CDKL1: variants seen among roughly 807,000 people sequenced by gnomAD.
CDKL1 encodes cyclin dependent kinase like 1.
In CDKL1, 41 loss-of-function variants were observed where a neutral mutation model predicts 42.0. The observed-to-expected ratio is 0.98, with a 90% CI of 0.76 to 1.27. CDKL1 has a LOEUF of 1.27. Among genes scored for constraint, CDKL1 ranks in the 50% most tolerant of loss-of-function variants. The probability of loss-of-function intolerance (pLI) is 0.00; values close to 1 mark genes in which losing one functional copy is unlikely to be tolerated. For missense variants in CDKL1, 394 were observed against 428.4 expected (o/e 0.92, Z 0.71); for synonymous variants, 153 against 158.6 (o/e 0.96, Z 0.26).
In CDKL1 at chr14:50,327,459, C is replaced by CTTTTTTTTTTTTTTTTTTTTTTTTTT. The variant is rs555068519; in HGVS notation, c.*2614_*2615insAAAAAAAAAAAAAAAAAAAAAAAAAA. 1.3e-5 allele frequency: 1 copy of CTTTTTTTTTTTTTTTTTTTTTTTTTT among 77,336 alleles called. No homozygotes were observed. The highest frequency in any genetic ancestry group is 2.4e-5 in the Non-Finnish European group (1 of 41,304). The allele number at this position is 77,336 out of a possible 1,614,324, so 4.8% of individuals were successfully genotyped here. A position where few individuals can be genotyped will look rare whatever the true frequency, so the allele number is the denominator to read the frequency against. ...TAGATTTCTGTGTGTTTGATTTGAA[C>CTTTTTTTTTTTTTTTTTTTTTTTTTT]TTTTTTTTTTTTTTTTTTTTTTTTG... On this transcript the variant is annotated 3_prime_UTR_variant, in exon 10 of 10. Coordinates refer to ENST00000395834, the MANE Select transcript of CDKL1 (RefSeq NM_004196.7).
At chr14:50,351,444 T>C (rs2033898886) in intron 3 of CDKL1, among the ~76,000 whole-genome samples, 1 of 151,256 alleles carries the variant, frequency 6.6e-6, no homozygotes, top group African/African-American at 2.4e-5. Context: ...TTAAAATGAG[T>C]TGGGGTGGGG....
At chr14:50,344,957 T>C (rs1300843794) in intron 4 of CDKL1, 29 bp downstream of exon 4, 1 of 1,586,086 alleles carries the variant, frequency 6.3e-7, no homozygotes, top group Non-Finnish European at 8.7e-7. Context: ...GGAGCCTTGT[T>C]GCTTTTCAAA....
chr14:50,331,262 T>C (rs1378890978), intron 9 of CDKL1: 1 of 151,750 alleles, frequency 6.6e-6, no homozygotes, highest in Non-Finnish European at 1.5e-5. Context: ...AATAGTGGAG[T>C]TTCCCTATTT....
Position 50,330,001 on chromosome 14 carries a change from A to G in CDKL1, c.*73T>C, listed in dbSNP as rs2032847961. The G allele has an allele frequency of 1.2e-5, 18 of 1,525,138 alleles. No homozygotes were observed. The highest frequency in any genetic ancestry group is 2.5e-5 in the South Asian group (2 of 80,084). The allele number at this position is 1,525,138 out of a possible 1,614,324, so 94.5% of individuals were successfully genotyped here. A position where few individuals can be genotyped will look rare whatever the true frequency, so the allele number is the denominator to read the frequency against. On this transcript the variant is annotated 3_prime_UTR_variant, in exon 10 of 10. Transcript: ENST00000395834. ...GTTTTCAACATTGTAATTGTTTTCAATCAACTGTATAAGTTTTATTTTCTT... is the reference window on the plus strand; with the variant it reads ...GTTTTCAACATTGTAATTGTTTTCAGTCAACTGTATAAGTTTTATTTTCTT...
chr14:50,341,244 T>G lies in CDKL1; in HGVS notation c.455-12A>C. The G allele has an allele frequency of 6.3e-7, 1 of 1,576,154 alleles. No individual in the cohort carries two copies. Among genetic ancestry groups the G allele is most frequent in the East Asian group, 2.3e-5 (1 of 43,908 alleles). ...GTCACTCGGTCCAGCTAGCCAGTGATGGAACATGGAAAACAAACAGCAGCG... is the reference window on the plus strand; with the variant it reads ...GTCACTCGGTCCAGCTAGCCAGTGAGGGAACATGGAAAACAAACAGCAGCG... On this transcript the variant is annotated splice_polypyrimidine_tract_variant and intron_variant, in intron 5 of 9. Transcript: ENST00000395834.
intron 8 of CDKL1, 24 bp from the exon 9 acceptor site, chr14:50,332,456 T>G: frequency 6.4e-7 from 1 of 1,574,122 alleles, no homozygotes; most frequent in South Asian, 1.2e-5. Context: ...AAATTCCTTC[T>G]TCTTACTTCT....
In CDKL1 at chr14:50,378,938, G is replaced by A. The variant is rs1050767868; in HGVS notation, c.168+16763C>T. Reference sequence around the variant, plus strand: ...GTGATCTTGGCTCACTGCAACCTCCGCCTTCTGGGCTTAAGAGATTCTGTC... The same window carrying A: ...GTGATCTTGGCTCACTGCAACCTCCACCTTCTGGGCTTAAGAGATTCTGTC... On this transcript the variant is annotated intron_variant, in intron 2 of 9. Coordinates refer to ENST00000395834, the MANE Select transcript of CDKL1 (RefSeq NM_004196.7). 3.3e-5 allele frequency among the ~76,000 whole-genome samples: 5 copies of A among 151,112 alleles called. 1 individual carries two copies. Among genetic ancestry groups the A allele is most frequent in the Admixed American group, 1.3e-4 (2 of 15,110 alleles).
chr14:50,329,068 CACAT>C lies in CDKL1; in HGVS notation c.*1002_*1005del, dbSNP rs923808933. 2 of 142,140 alleles carry C rather than the reference CACAT, an allele frequency of 1.4e-5. No homozygotes were observed. Among genetic ancestry groups the C allele is most frequent in the Non-Finnish European group, 3.1e-5 (2 of 64,798 alleles). 8.8% of individuals were successfully genotyped at this position (142,140 alleles called of 1,614,324 possible). A position where few individuals can be genotyped will look rare whatever the true frequency, so the allele number is the denominator to read the frequency against. ...ATATATATATATATATATATACATA[CACAT>C]ACATACACATACAAACATAGTGCAA... On this transcript the variant is annotated 3_prime_UTR_variant, in exon 10 of 10. Coordinates refer to ENST00000395834, the MANE Select transcript of CDKL1 (RefSeq NM_004196.7).
chr14:50,358,039 C>T (rs2034108809), intron 3 of CDKL1: 4 of 1,354,316 alleles, frequency 3.0e-6, no homozygotes, highest in Admixed American at 1.9e-5. Context: ...AAGAGGCTGC[C>T]CTCAACTTCA....
At chr14:50,335,794 C>T in intron 7 of CDKL1, 2 of 985,364 alleles carry the variant, frequency 2.0e-6, no homozygotes, top group African/African-American at 3.5e-5. Context: ...GGCCAGCTTT[C>T]ACAGTACAGT....
At chr14:50,349,273 A>C (rs1223811097) in intron 3 of CDKL1, among the ~76,000 whole-genome samples, 2 of 152,180 alleles carry the variant, frequency 1.3e-5, no homozygotes, top group African/African-American at 2.4e-5. Context: ...AAACCAATAA[A>C]CAAGCCTATA....
chr14:50,341,593 A>G (rs1407881049), intron 5 of CDKL1, among the ~76,000 whole-genome samples: 3 of 151,948 alleles, frequency 2.0e-5, no homozygotes, highest in Non-Finnish European at 4.4e-5. Flanking sequence ...AGCCTGGGCA[A>G]TGTGGTGAAA....
intron 7 of CDKL1, among the ~76,000 whole-genome samples, chr14:50,337,585 T>C (rs2033347408): frequency 6.6e-6 from 1 of 152,016 alleles, no homozygotes; most frequent in African/African-American, 2.4e-5. Flanking sequence ...CCTCCTGTGC[T>C]CAAGCAATAT....
intron 2 of CDKL1, among the ~76,000 whole-genome samples, chr14:50,366,120 T>C (rs2034431139): frequency 6.6e-6 from 1 of 152,172 alleles, no homozygotes. Flanking sequence ...ATTGGTTCTG[T>C]CCCTCTAGAG....
At chr14:50,349,690 CCT>C (rs562739354) in intron 3 of CDKL1, among the ~76,000 whole-genome samples, 2 of 152,216 alleles carry the variant, frequency 1.3e-5, no homozygotes, top group African/African-American at 4.8e-5. Context: ...CTGGCTGGAC[CCT>C]TCAGGCTAAG....
At chr14:50,375,010 T>C (rs1341510963) in intron 2 of CDKL1, among the ~76,000 whole-genome samples, 5 of 152,050 alleles carry the variant, frequency 3.3e-5, no homozygotes, top group African/African-American at 7.2e-5. Context: ...ACCTAGATGA[T>C]GGGTTGATAG....
At position 50,363,540 on chromosome 14, in the gene CDKL1, CTT is replaced by C. The variant is rs1237424376; in HGVS notation, c.169-4393_169-4392del. Reference sequence around the variant, plus strand: ...TCTTTCAGACTGAAAAATAATCATCCTTAGGCTTTACTTTCATTTTCACACTA... The same window carrying C: ...TCTTTCAGACTGAAAAATAATCATCCAGGCTTTACTTTCATTTTCACACTA... On this transcript the variant is annotated intron_variant, in intron 2 of 9. Transcript: ENST00000395834. Among the ~76,000 whole-genome samples the C allele has an allele frequency of 7.8e-4, 119 of 152,260 alleles. No homozygotes were observed. The Middle Eastern group carries it at 0.01, about 13-fold the overall frequency.
chr14:50,331,661 T>A (rs2032949081), intron 9 of CDKL1: 1 of 221,648 alleles, frequency 4.5e-6, no homozygotes, highest in South Asian at 8.5e-5. Flanking sequence ...CTACAGTTCA[T>A]TCTAAATTAT....
intron 2 of CDKL1, chr14:50,377,865 T>C: frequency 3.8e-6 from 2 of 527,056 alleles, no homozygotes; most frequent in Non-Finnish European, 5.8e-6. Flanking sequence ...CGAACAGTCA[T>C]CTGTGGGAGT....
Sources: allele counts gnomAD v4.1 joint callset (sites outside exome capture counted in the v4.1 genomes callset), GRCh38; gene constraint gnomAD v4.1.1; transcripts MANE v1.5; gene names NCBI Gene and HGNC (gene_info 2026-07-23, HGNC 2026-07-21).